ZBTB41: variants seen among roughly 807,000 people sequenced by gnomAD.
The protein encoded by ZBTB41 is zinc finger and BTB domain-containing protein 41.
A neutral mutation model predicts 87.6 loss-of-function variants in ZBTB41; 42 were observed. The ratio of observed to expected loss-of-function variants is 0.48; its 90% confidence interval spans 0.37 to 0.62. The LOEUF is 0.62. Ranked by LOEUF, ZBTB41 falls within the 20% of genes least tolerant of loss-of-function variation. ZBTB41 has a pLI of 0.00. For synonymous variants in ZBTB41, 364 were observed against 364.0 expected, an observed-to-expected ratio of 1.00 and a Z score of 0.00; for missense variants, 799 against 1,078.9, an observed-to-expected ratio of 0.74 and a Z score of 3.63.
At chr1:197,189,380 G>A (rs1659967317) in intron 4 of ZBTB41, among the ~76,000 whole-genome samples, 1 of 152,026 alleles carries the variant, frequency 6.6e-6, no homozygotes, top group African/African-American at 2.4e-5. Context: ...ACAAAAATTA[G>A]TTGGGCGTGG....
At chr1:197,174,690 T>C (rs1200247421) in intron 9 of ZBTB41, among the ~76,000 whole-genome samples, 1 of 152,084 alleles carries the variant, frequency 6.6e-6, no homozygotes, top group South Asian at 2.1e-4. Flanking sequence ...CTGCAAACAT[T>C]TCCTAACAAC....
At chr1:197,166,894 A>G (rs960957607) in intron 10 of ZBTB41, among the ~76,000 whole-genome samples, 1 of 152,128 alleles carries the variant, frequency 6.6e-6, no homozygotes, top group African/African-American at 2.4e-5. Flanking sequence ...CTTTCCCTAC[A>G]GAAAACAAAC....
Position 197,176,152 on chromosome 1 carries a change from C to T in ZBTB41, c.1879+412G>A, listed in dbSNP as rs114866552. On this transcript the variant is annotated intron_variant, in intron 8 of 10. Transcript: ENST00000367405. ...TCACTATAATATACACTTTTAGCAC[C>T]TAATTTTAATCATTTCCCTTTTAAT... The T allele has an allele frequency of 7.1e-3, 1,168 of 165,252 alleles. 9 individuals carry two copies. Among genetic ancestry groups the T allele is most frequent in the African/African-American group, 0.025 (1,052 of 41,578 alleles). 10.2% of individuals were successfully genotyped at this position (165,252 alleles called of 1,614,324 possible). A position where few individuals can be genotyped will look rare whatever the true frequency, so the allele number is the denominator to read the frequency against.
chr1:197,191,585 T>C, intron 3 of ZBTB41, 107 bp downstream of exon 3: 1 of 853,346 alleles, frequency 1.2e-6, no homozygotes, highest in Non-Finnish European at 1.7e-6. Flanking sequence ...TCAATGAATC[T>C]CCAATGAAAG....
At position 197,199,335 on chromosome 1, in the gene ZBTB41, A is replaced by C. The variant is rs1191109255; in HGVS notation, c.1120+19T>G. On this transcript the variant is annotated intron_variant, in intron 2 of 10. Transcript: ENST00000367405. ...AAAAGTAAGTGATTAGAGATAGAAA[A>C]CCAGTTTTCTTTTCTTACCTATTCG... 4 of 1,473,574 alleles carry C rather than the reference A, an allele frequency of 2.7e-6. No individual in the cohort carries two copies. The highest frequency in any genetic ancestry group is 3.6e-6 in the Non-Finnish European group (4 of 1,116,950). The allele number at this position is 1,473,574 out of a possible 1,614,324, so 91.3% of individuals were successfully genotyped here.
In ZBTB41 at chr1:197,156,093, T is replaced by A. The variant is rs1187565537; in HGVS notation, c.*3266A>T. 2 of 152,232 alleles carry A rather than the reference T, an allele frequency of 1.3e-5. No individual in the cohort carries two copies. Among genetic ancestry groups the A allele is most frequent in the African/African-American group, 4.8e-5 (2 of 41,440 alleles). 9.4% of individuals were successfully genotyped at this position (152,232 alleles called of 1,614,324 possible). A position where few individuals can be genotyped will look rare whatever the true frequency, so the allele number is the denominator to read the frequency against. On this transcript the variant is annotated 3_prime_UTR_variant, in exon 11 of 11. Transcript: ENST00000367405. ...GTATTAATTAAACTAAGGAAAACAG[T>A]ATTCTCACTTATAATTGGTTTGTCA...
At position 197,156,066 on chromosome 1, in the gene ZBTB41, T is replaced by C. The variant is rs1413138800; in HGVS notation, c.*3293A>G. 6.6e-6 allele frequency: 1 copy of C among 152,276 alleles called. No homozygotes were observed. Among genetic ancestry groups the C allele is most frequent in the Admixed American group, 6.6e-5 (1 of 15,240 alleles). 9.4% of individuals were successfully genotyped at this position (152,276 alleles called of 1,614,324 possible). The stretch of plus-strand genomic sequence containing the variant: ...GTAGTGTTCTCTAAAAAACATAACA[T>C]TGTATTAATTAAACTAAGGAAAACA... On this transcript the variant is annotated 3_prime_UTR_variant, in exon 11 of 11. Transcript: ENST00000367405.
chr1:197,166,048 G>A (rs1018681923), intron 10 of ZBTB41, among the ~76,000 whole-genome samples: 15 of 152,126 alleles, frequency 9.9e-5, no homozygotes, highest in Non-Finnish European at 1.8e-4. Flanking sequence ...TGGGGGATGG[G>A]GGGGCCTGGG....
chr1:197,165,608 T>G (rs1181156098), intron 10 of ZBTB41, among the ~76,000 whole-genome samples: 1 of 145,612 alleles, frequency 6.9e-6, no homozygotes, highest in East Asian at 2.0e-4. Flanking sequence ...AGACTCTATC[T>G]CAAAAAAAAA....
In ZBTB41 at chr1:197,185,638, A is replaced by G. The variant is rs989477476; in HGVS notation, c.1546+2654T>C. Among the ~76,000 whole-genome samples the G allele has an allele frequency of 3.3e-5, 5 of 151,820 alleles. No homozygotes were observed. The East Asian group carries it at 9.7e-4, about 29-fold the overall frequency. ...AAAACCCCCCAACACACACAAAAAA[A>G]CACATTTACACATCTCCAAGAACTG... On this transcript the variant is annotated intron_variant, in intron 5 of 10. Transcript: ENST00000367405.
intron 5 of ZBTB41, among the ~76,000 whole-genome samples, chr1:197,182,175 C>T (rs1298660981): frequency 6.6e-6 from 1 of 151,918 alleles, no homozygotes; most frequent in Admixed American, 6.6e-5. Flanking sequence ...GGTTATTATG[C>T]AAAATGTGTG....
intron 6 of ZBTB41, among the ~76,000 whole-genome samples, chr1:197,179,360 T>C (rs1432164313): frequency 6.6e-6 from 1 of 152,106 alleles, no homozygotes; most frequent in Non-Finnish European, 1.5e-5. Flanking sequence ...ATGTTTGTGG[T>C]GATGCTGTTG....
At position 197,200,512 on chromosome 1, in the gene ZBTB41, G is replaced by A. The variant is rs1191977771; in HGVS notation, c.-39C>T. 4.6e-6 allele frequency: 7 copies of A among 1,513,828 alleles called. No homozygotes were observed. The South Asian group carries it at 8.1e-5, about 18-fold the overall frequency. 93.8% of individuals were successfully genotyped at this position (1,513,828 alleles called of 1,614,324 possible). On this transcript the variant is annotated 5_prime_UTR_variant, in exon 2 of 11. Coordinates refer to ENST00000367405, the MANE Select transcript of ZBTB41 (RefSeq NM_194314.3). The stretch of plus-strand genomic sequence containing the variant: ...TTTCAGAACAAGAAACTTCATAAGT[G>A]TCTTAAGTGATTTATAAAGGAAAAC...
intron 5 of ZBTB41, among the ~76,000 whole-genome samples, chr1:197,185,688 T>A (rs912144320): frequency 5.9e-5 from 9 of 151,736 alleles, no homozygotes; most frequent in African/African-American, 2.2e-4. Context: ...CTCCTTTCAA[T>A]TTATATGACT....
chr1:197,175,117 TTAAAA>T lies in ZBTB41; in HGVS notation c.1880-7_1880-3del, dbSNP rs777734534. On this transcript the variant is annotated splice_region_variant and splice_polypyrimidine_tract_variant and intron_variant, in intron 8 of 10. Coordinates refer to ENST00000367405, the MANE Select transcript of ZBTB41 (RefSeq NM_194314.3). The stretch of plus-strand genomic sequence containing the variant: ...CTTCACACTGATGAGCTTTTTCACC[TTAAAA>T]TAAAGACCCAAATATTTTCATTATA... 49 of 1,608,436 alleles carry T rather than the reference TTAAAA, an allele frequency of 3.0e-5. No homozygotes were observed. The highest frequency in any genetic ancestry group is 3.9e-5 in the Non-Finnish European group (46 of 1,177,172).
chr1:197,160,557 TAAG>T (rs1352545094), intron 10 of ZBTB41, among the ~76,000 whole-genome samples: 2 of 152,104 alleles, frequency 1.3e-5, no homozygotes, highest in Non-Finnish European at 2.9e-5. Flanking sequence ...GAGGTCAAAA[TAAG>T]AAGAGTTGTT....
chr1:197,170,570 C>T (rs1397809694), intron 10 of ZBTB41, among the ~76,000 whole-genome samples: 1 of 152,084 alleles, frequency 6.6e-6, no homozygotes, highest in African/African-American at 2.4e-5. Context: ...ACTCTCAATG[C>T]ACAGATAAAA....
chr1:197,197,898 T>C (rs1304311720), intron 2 of ZBTB41, among the ~76,000 whole-genome samples: 2 of 152,188 alleles, frequency 1.3e-5, no homozygotes, highest in Non-Finnish European at 2.9e-5. Flanking sequence ...GTGGGACAGT[T>C]TGAGATATTT....
At chr1:197,191,194 T>C (rs767368924) in intron 3 of ZBTB41, among the ~76,000 whole-genome samples, 16 of 152,002 alleles carry the variant, frequency 1.1e-4, no homozygotes, top group Non-Finnish European at 2.1e-4. Context: ...GCGTGGTGGC[T>C]CACACCTGTA....
Sources: allele counts gnomAD v4.1 joint callset (sites outside exome capture counted in the v4.1 genomes callset), GRCh38; gene constraint gnomAD v4.1.1; transcripts MANE v1.5; gene names NCBI Gene and HGNC (gene_info 2026-07-23, HGNC 2026-07-21).